The following KANK1 variants were observed in gnomAD, a reference collection of about 807,000 sequenced individuals.
The protein encoded by KANK1 is KN motif and ankyrin repeat domain-containing protein 1.
A neutral mutation model predicts 106.2 loss-of-function variants in KANK1; 109 were observed. The ratio of observed to expected loss-of-function variants is 1.03; its 90% confidence interval spans 0.88 to 1.20. The LOEUF (loss-of-function observed/expected upper bound fraction) is 1.20, where lower values mean the gene tolerates loss of function less well. Ranked by LOEUF, KANK1 falls within the 50% of genes most tolerant of loss-of-function variation. The pLI, the probability that KANK1 is intolerant of heterozygous loss-of-function variation, is 0.00. For synonymous variants in KANK1, 873 were observed against 652.2 expected, an observed-to-expected ratio of 1.34 and a Z score of -5.16; for missense variants, 2,399 against 1,710.7, an observed-to-expected ratio of 1.40 and a Z score of -7.10.
intron 8 of KANK1, among the ~76,000 whole-genome samples, chr9:740,561 G>A (rs1311864038): frequency 6.6e-6 from 1 of 152,206 alleles, no homozygotes; most frequent in Non-Finnish European, 1.5e-5. Flanking sequence ...ATACGCTGTG[G>A]AAGCTTACCG....
At chr9:504,515 C>T (rs761737108), upstream of KANK1, among the ~76,000 whole-genome samples, 4 of 151,612 alleles carry the variant, frequency 2.6e-5, no homozygotes, top group African/African-American at 9.7e-5. Flanking sequence ...GCTTCGCCGG[C>T]CCGCGCCGTT....
chr9:656,879 C>CTT (rs200747803), intron 1 of KANK1, among the ~76,000 whole-genome samples: 1 of 151,234 alleles, frequency 6.6e-6, no homozygotes, highest in Non-Finnish European at 1.5e-5. Flanking sequence ...TACTTTTTTC[C>CTT]TTTTTTTTTA....
intron 1 of KANK1, among the ~76,000 whole-genome samples, chr9:544,509 G>A (rs1038682145): frequency 8.5e-5 from 13 of 152,110 alleles, no homozygotes; most frequent in Non-Finnish European, 1.2e-4. Flanking sequence ...TAGATGGACC[G>A]GCCAACAAAC....
At chr9:660,327 C>G (rs10739106) in intron 1 of KANK1, 194,360 of 216,464 alleles carry the variant, frequency 0.9, 87,444 homozygotes, top group East Asian at 0.97. Context: ...TGGGTTTTAA[C>G]TGCTGTGGCT....
intron 10 of KANK1, among the ~76,000 whole-genome samples, chr9:744,130 T>G (rs1348625212): frequency 1.3e-5 from 2 of 152,208 alleles, no homozygotes; most frequent in African/African-American, 4.8e-5. Flanking sequence ...TAAAAGATCT[T>G]TGGCAAATTG....
chr9:678,097 C>G (rs1816768366), intron 2 of KANK1, among the ~76,000 whole-genome samples: 1 of 152,204 alleles, frequency 6.6e-6, no homozygotes, highest in Admixed American at 6.5e-5. Flanking sequence ...ATTATCTCCT[C>G]TGGGTAGAAC....
At chr9:645,792 C>T (rs1373189614) in intron 1 of KANK1, among the ~76,000 whole-genome samples, 4 of 150,624 alleles carry the variant, frequency 2.7e-5, no homozygotes, top group Non-Finnish European at 5.9e-5. Flanking sequence ...GAGATCGTGC[C>T]ACTGCACTTC....
chr9:617,113 A>C (rs1246745405), intron 1 of KANK1, among the ~76,000 whole-genome samples: 1 of 151,266 alleles, frequency 6.6e-6, no homozygotes, highest in Non-Finnish European at 1.5e-5. Flanking sequence ...AGTTAGGTCG[A>C]TTTTTTTTTC....
chr9:473,997 A>G (rs1318728918), intron 3 of KANK1, among the ~76,000 whole-genome samples: 1 of 152,174 alleles, frequency 6.6e-6, no homozygotes, highest in African/African-American at 2.4e-5. Flanking sequence ...TGTGCCAGCC[A>G]AGAATTAATT....
chr9:722,153 C>T (rs1008417057), intron 3 of KANK1, among the ~76,000 whole-genome samples: 1 of 152,232 alleles, frequency 6.6e-6, no homozygotes. Flanking sequence ...TATAATTTAA[C>T]CTTAAAGCAA....
intron 1 of KANK1, among the ~76,000 whole-genome samples, chr9:527,481 G>T (rs2059845184): frequency 6.6e-6 from 1 of 151,374 alleles, no homozygotes; most frequent in African/African-American, 2.4e-5. Flanking sequence ...ATGTATTTTT[G>T]GTAGAGATGG....
chr9:513,915 G>T (rs1018464052), intron 1 of KANK1, among the ~76,000 whole-genome samples: 1 of 152,152 alleles, frequency 6.6e-6, no homozygotes, highest in African/African-American at 2.4e-5. Flanking sequence ...TACTTGGGAG[G>T]CTGTGGCAGG....
intron 1 of KANK1, among the ~76,000 whole-genome samples, chr9:569,762 A>G (rs1354936079): frequency 2.0e-5 from 3 of 150,888 alleles, no homozygotes; most frequent in East Asian, 1.9e-4. Flanking sequence ...TTTCACTTCT[A>G]TTTTTTCTAT....
intron 1 of KANK1, among the ~76,000 whole-genome samples, chr9:550,748 G>T (rs2061229951): frequency 6.6e-6 from 1 of 152,216 alleles, no homozygotes; most frequent in African/African-American, 2.4e-5. Flanking sequence ...CGGTGTGGGA[G>T]TTACAAGGTT....
chr9:740,787 T>TTTTA lies in KANK1; in HGVS notation c.3554-5_3554-4insTTTA, dbSNP rs1554721659. The TTTTA allele has an allele frequency of 6.3e-7, 1 of 1,587,972 alleles. No individual in the cohort carries two copies. The stretch of plus-strand genomic sequence containing the variant: ...TAAGAGACTTTTTTTTTTTTTTTTT[T>TTTTA]ACAGATGTGTGTAATGTGGATCACC... On this transcript the variant is annotated splice_region_variant and splice_polypyrimidine_tract_variant and intron_variant, in intron 8 of 11. Transcript: ENST00000382297.
intron 2 of KANK1, among the ~76,000 whole-genome samples, chr9:690,292 CG>C (rs1819600749): frequency 7.0e-6 from 1 of 143,098 alleles, no homozygotes; most frequent in African/African-American, 2.6e-5. Flanking sequence ...GGTGACGGAG[CG>C]AGACTCTGTC....
At chr9:575,723 G>A (rs1317038049) in intron 1 of KANK1, among the ~76,000 whole-genome samples, 1 of 150,838 alleles carries the variant, frequency 6.6e-6, no homozygotes, top group Admixed American at 6.6e-5. Context: ...GGAAAGAATG[G>A]CTTAAGCAAT....
chr9:737,076 T>C (rs1833993880), intron 7 of KANK1, among the ~76,000 whole-genome samples: 1 of 152,188 alleles, frequency 6.6e-6, no homozygotes, highest in African/African-American at 2.4e-5. Context: ...TTGTGAAAAG[T>C]AGTGGACGAG....
intron 1 of KANK1, among the ~76,000 whole-genome samples, chr9:545,915 T>C (rs2060903925): frequency 6.6e-6 from 1 of 151,682 alleles, no homozygotes; most frequent in Non-Finnish European, 1.5e-5. Context: ...CCGGCTAATT[T>C]TTTTGTATTT....
Sources: allele counts gnomAD v4.1 joint callset (sites outside exome capture counted in the v4.1 genomes callset), GRCh38; gene constraint gnomAD v4.1.1; transcripts MANE v1.5; gene names NCBI Gene and HGNC (gene_info 2026-07-23, HGNC 2026-07-21).